Variants in GUCY1A2 observed in about 807,000 individuals in gnomAD.
The protein encoded by GUCY1A2 is guanylate cyclase soluble subunit alpha-2.
Under a neutral mutation model 63.5 loss-of-function variants are expected in GUCY1A2, and 27 were observed. The observed-to-expected ratio is 0.43, with a 90% CI of 0.31 to 0.59. GUCY1A2 has a LOEUF of 0.59. GUCY1A2 is among the 20% of genes least tolerant of loss of function. The pLI, the probability that GUCY1A2 is intolerant of heterozygous loss-of-function variation, is 0.11. For missense variants in GUCY1A2, 768 were observed against 913.3 expected, an observed-to-expected ratio of 0.84 and a Z score of 2.05; for synonymous variants, 364 against 343.5, an observed-to-expected ratio of 1.06 and a Z score of -0.66.
chr11:106,800,749 G>A (rs1864860520), intron 5 of GUCY1A2, among the ~76,000 whole-genome samples: 1 of 152,060 alleles, frequency 6.6e-6, no homozygotes, highest in Admixed American at 6.6e-5. Flanking sequence ...GGGGTAGGGG[G>A]AAGGGGGAGG....
intron 6 of GUCY1A2, among the ~76,000 whole-genome samples, chr11:106,759,903 C>T (rs1326353215): frequency 6.6e-6 from 1 of 152,154 alleles, no homozygotes; most frequent in African/African-American, 2.4e-5. Flanking sequence ...CCACAGCATT[C>T]CAGCCTAGGT....
In GUCY1A2 at chr11:106,810,386, G is replaced by A. The variant is rs778476824; in HGVS notation, c.1299C>T (p.Leu433=). 4 of 1,613,780 alleles carry A rather than the reference G, an allele frequency of 2.5e-6. No homozygotes were observed. The highest frequency in any genetic ancestry group is 1.3e-5 in the African/African-American group (1 of 74,994). ...GSPCVDKLDE[L]MGRGLHLSDI... Reference sequence around the variant, plus strand: ...CTGAGAGATGTAGCCCTCGGCCCATGAGTTCATCCAACTTGTCCACACATG... The same window carrying A: ...CTGAGAGATGTAGCCCTCGGCCCATAAGTTCATCCAACTTGTCCACACATG... The change falls in exon 5 of 8, where the codon CTC becomes CTT. Residue 433 remains leucine (L), a synonymous_variant. Coordinates refer to ENST00000526355, the MANE Select transcript of GUCY1A2 (RefSeq NM_000855.3).
At chr11:106,847,257 TA>T (rs1457983546) in intron 4 of GUCY1A2, among the ~76,000 whole-genome samples, 23 of 145,188 alleles carry the variant, frequency 1.6e-4, no homozygotes, top group East Asian at 9.9e-4. Flanking sequence ...TATATATATA[TA>T]AAAAATTGTG....
intron 6 of GUCY1A2, among the ~76,000 whole-genome samples, chr11:106,725,878 T>TC (rs544278978): frequency 1.3e-5 from 2 of 151,322 alleles, no homozygotes; most frequent in African/African-American, 2.4e-5. Flanking sequence ...TTTTTTTTTT[T>TC]CCCTCCTTTT....
intron 1 of GUCY1A2, among the ~76,000 whole-genome samples, chr11:106,992,994 A>C (rs1411036061): frequency 6.6e-6 from 1 of 152,086 alleles, no homozygotes; most frequent in Non-Finnish European, 1.5e-5. Context: ...AAAATTCCAA[A>C]TCCCCTTACT....
chr11:106,843,332 GT>G (rs1392344692), intron 4 of GUCY1A2, among the ~76,000 whole-genome samples: 1 of 151,848 alleles, frequency 6.6e-6, no homozygotes, highest in African/African-American at 2.4e-5. Context: ...TGGGTACAGT[GT>G]TCACTGCTTG....
At chr11:106,806,857 C>T (rs1355357042) in intron 5 of GUCY1A2, among the ~76,000 whole-genome samples, 2 of 152,176 alleles carry the variant, frequency 1.3e-5, no homozygotes, top group Non-Finnish European at 2.9e-5. Flanking sequence ...GCAGAATGGT[C>T]ATATTATGTC....
chr11:107,012,263 T>TC (rs1291246871), intron 1 of GUCY1A2, among the ~76,000 whole-genome samples: 3 of 150,912 alleles, frequency 2.0e-5, no homozygotes, highest in African/African-American at 7.3e-5. Flanking sequence ...CTTATTACTT[T>TC]TTTTTTTTTT....
In GUCY1A2 at chr11:106,687,256, A is replaced by G. The variant is rs115718895; in HGVS notation, c.*293T>C. On this transcript the variant is annotated 3_prime_UTR_variant, in exon 8 of 8. Transcript: ENST00000526355. ...TGATAAACAAGAAAACATGGAATCT[A>G]TTTATTGGTTAGTTCTGAAAGGGGA... is the stretch of plus-strand genomic sequence containing the variant. 2.3e-3 allele frequency: 732 copies of G among 319,818 alleles called. 8 individuals carry two copies. The highest frequency in any genetic ancestry group is 0.014 in the African/African-American group (691 of 47,748). 19.8% of individuals were successfully genotyped at this position (319,818 alleles called of 1,614,324 possible).
chr11:106,814,589 A>G (rs1364826876), intron 4 of GUCY1A2, among the ~76,000 whole-genome samples: 1 of 152,056 alleles, frequency 6.6e-6, no homozygotes, highest in African/African-American at 2.4e-5. Context: ...GGGCTGAAAA[A>G]TCCCCTCCAT....
intron 7 of GUCY1A2, among the ~76,000 whole-genome samples, chr11:106,695,254 G>A (rs955184344): frequency 1.3e-5 from 2 of 152,104 alleles, no homozygotes; most frequent in African/African-American, 4.8e-5. Context: ...TGGCAAGTGT[G>A]TACCTGAGTG....
At chr11:106,723,754 C>T (rs542898296) in intron 6 of GUCY1A2, among the ~76,000 whole-genome samples, 16 of 151,980 alleles carry the variant, frequency 1.1e-4, no homozygotes, top group South Asian at 6.2e-4. Flanking sequence ...ATCCAGGAGG[C>T]GGAGGAAGCA....
chr11:106,898,689 G>A (rs1306671675), intron 4 of GUCY1A2, among the ~76,000 whole-genome samples: 3 of 152,172 alleles, frequency 2.0e-5, no homozygotes, highest in African/African-American at 4.8e-5. Flanking sequence ...GCTGCTATCT[G>A]GGGTTAAGGG....
intron 6 of GUCY1A2, among the ~76,000 whole-genome samples, chr11:106,749,482 C>A (rs1863848207): frequency 6.6e-6 from 1 of 152,050 alleles, no homozygotes; most frequent in African/African-American, 2.4e-5. Context: ...GCCATAGCTA[C>A]TGGACTGTTC....
intron 5 of GUCY1A2, among the ~76,000 whole-genome samples, chr11:106,803,068 A>G (rs992339436): frequency 5.3e-5 from 8 of 152,180 alleles, no homozygotes; most frequent in Non-Finnish European, 7.4e-5. Flanking sequence ...CTTAGCAACT[A>G]AAAGTATTTT....
intron 4 of GUCY1A2, among the ~76,000 whole-genome samples, chr11:106,902,750 T>C (rs1429254883): frequency 6.6e-6 from 1 of 152,236 alleles, no homozygotes; most frequent in African/African-American, 2.4e-5. Context: ...ATGTACAGAC[T>C]ATTTCCTTGT....
intron 4 of GUCY1A2, among the ~76,000 whole-genome samples, chr11:106,895,262 A>G (rs1432000570): frequency 6.6e-6 from 1 of 152,226 alleles, no homozygotes; most frequent in Non-Finnish European, 1.5e-5. Flanking sequence ...CAAAACAGAA[A>G]TGACCCAGGC....
chr11:106,967,081 T>TTACCCAA (rs1305874926), intron 3 of GUCY1A2, among the ~76,000 whole-genome samples: 1 of 152,072 alleles, frequency 6.6e-6, no homozygotes, highest in Non-Finnish European at 1.5e-5. Flanking sequence ...ATTATGGCAA[T>TTACCCAA]TGGGTATTTT....
At chr11:106,934,383 CA>C (rs1309638217) in intron 4 of GUCY1A2, among the ~76,000 whole-genome samples, 3 of 152,192 alleles carry the variant, frequency 2.0e-5, no homozygotes, top group Non-Finnish European at 4.4e-5. Flanking sequence ...GAAATGCTCA[CA>C]CTTTCTCAAA....
Sources: allele counts gnomAD v4.1 joint callset (sites outside exome capture counted in the v4.1 genomes callset), GRCh38; gene constraint gnomAD v4.1.1; transcripts MANE v1.5; gene names NCBI Gene and HGNC (gene_info 2026-07-23, HGNC 2026-07-21).